DGKB: variants seen among roughly 807,000 people sequenced by gnomAD.
DGKB encodes the protein diacylglycerol kinase beta.
DGKB carries 67 observed loss-of-function variants against 114.3 expected under a neutral mutation model. The ratio of observed to expected loss-of-function variants is 0.59; its 90% CI spans 0.48 to 0.72. DGKB has a LOEUF of 0.72. DGKB is among the 30% of genes least tolerant of loss of function. The pLI, the probability that DGKB is intolerant of heterozygous loss-of-function variation, is 0.00. For missense variants in DGKB, 907 were observed against 975.2 expected (o/e 0.93, Z 0.93); for synonymous variants, 398 against 323.1 (o/e 1.23, Z -2.49).
chr7:14,188,167 A>G (rs1783726310), intron 23 of DGKB, among the ~76,000 whole-genome samples: 1 of 152,208 alleles, frequency 6.6e-6, no homozygotes, highest in Non-Finnish European at 1.5e-5. Flanking sequence ...AGGGGAAAAG[A>G]AAGTAGAAAT....
intron 23 of DGKB, among the ~76,000 whole-genome samples, chr7:14,204,936 T>G (rs1015553665): frequency 6.6e-6 from 1 of 152,048 alleles, no homozygotes; most frequent in African/African-American, 2.4e-5. Context: ...GCTTTCATTG[T>G]GTGTGTATGT....
chr7:14,403,215 TA>T (rs772317923), intron 21 of DGKB, among the ~76,000 whole-genome samples: 22 of 147,084 alleles, frequency 1.5e-4, no homozygotes, highest in Admixed American at 3.4e-4. Context: ...TCTTTTAATT[TA>T]AAAAAAAAAG....
At chr7:14,894,533 A>G (rs1781802790) in intron 1 of DGKB, among the ~76,000 whole-genome samples, 1 of 151,586 alleles carries the variant, frequency 6.6e-6, no homozygotes, top group African/African-American at 2.4e-5. Flanking sequence ...TGTTTTCTAC[A>G]AAGTCACTAA....
chr7:14,577,839 T>A (rs1382829102), intron 19 of DGKB, among the ~76,000 whole-genome samples: 1 of 152,216 alleles, frequency 6.6e-6, no homozygotes, highest in African/African-American at 2.4e-5. Flanking sequence ...GTCAATAGAT[T>A]CCCTGAATCT....
At chr7:14,242,691 G>C (rs1793853537) in intron 23 of DGKB, among the ~76,000 whole-genome samples, 1 of 150,662 alleles carries the variant, frequency 6.6e-6, no homozygotes, top group Non-Finnish European at 1.5e-5. Context: ...TATAAGATAA[G>C]TCATAAAATT....
chr7:14,875,984 G>A (rs1165673137), intron 1 of DGKB, among the ~76,000 whole-genome samples: 1 of 152,200 alleles, frequency 6.6e-6, no homozygotes, highest in African/African-American at 2.4e-5. Context: ...GCATTATTCA[G>A]GTAAAAAATA....
intron 13 of DGKB, among the ~76,000 whole-genome samples, chr7:14,655,952 T>C (rs973650500): frequency 1.3e-5 from 2 of 151,694 alleles, no homozygotes; most frequent in Non-Finnish European, 3.0e-5. Flanking sequence ...AAATAAGTTA[T>C]GTTCTATAGC....
At chr7:14,807,061 A>G (rs1435258296) in intron 2 of DGKB, among the ~76,000 whole-genome samples, 2 of 152,044 alleles carry the variant, frequency 1.3e-5, no homozygotes, top group African/African-American at 2.4e-5. Flanking sequence ...AAAAAAAATA[A>G]AAAGCTGAGA....
At chr7:14,300,495 C>T (rs1165643360) in intron 23 of DGKB, among the ~76,000 whole-genome samples, 1 of 152,044 alleles carries the variant, frequency 6.6e-6, no homozygotes, top group East Asian at 1.9e-4. Context: ...CATTTAAAAG[C>T]CCTGTGTGAA....
rs186816456 is a variant in DGKB, at chr7:14,146,722, A to C, written c.*2409T>G. 4.6e-5 allele frequency: 7 copies of C among 152,284 alleles called. No homozygotes were observed. In the East Asian group the frequency reaches 1.4e-3, roughly 29 times the overall value. The allele number at this position is 152,284 out of a possible 1,614,324, so 9.4% of individuals were successfully genotyped here. On this transcript the variant is annotated 3_prime_UTR_variant, in exon 26 of 26. Transcript: ENST00000402815. The stretch of plus-strand genomic sequence containing the variant: ...TAGAAAATGAGTTGAGAAAAGTCAA[A>C]TTGGATTCCTATTTGAACATTTATT...
intron 23 of DGKB, among the ~76,000 whole-genome samples, chr7:14,279,699 C>T (rs553436428): frequency 6.6e-6 from 1 of 152,114 alleles, no homozygotes; most frequent in Non-Finnish European, 1.5e-5. Context: ...GGGTCCCTCA[C>T]CCCTGACCCC....
intron 1 of DGKB, among the ~76,000 whole-genome samples, chr7:14,873,964 C>T (rs925077566): frequency 6.6e-6 from 1 of 151,898 alleles, no homozygotes; most frequent in Non-Finnish European, 1.5e-5. Flanking sequence ...AAATAGAATG[C>T]TGTATTACTA....
At chr7:14,860,301 AT>A (rs1251110075) in intron 1 of DGKB, among the ~76,000 whole-genome samples, 1 of 152,118 alleles carries the variant, frequency 6.6e-6, no homozygotes, top group African/African-American at 2.4e-5. Context: ...TCTTACAAAA[AT>A]TTATTTCATT....
At chr7:14,353,010 T>C (rs1339158454) in intron 21 of DGKB, among the ~76,000 whole-genome samples, 1 of 152,192 alleles carries the variant, frequency 6.6e-6, no homozygotes. Context: ...TTAGAAAGAT[T>C]TAATGAAATG....
At chr7:14,257,157 C>T (rs1252843691) in intron 23 of DGKB, among the ~76,000 whole-genome samples, 1 of 151,928 alleles carries the variant, frequency 6.6e-6, no homozygotes, top group Non-Finnish European at 1.5e-5. Flanking sequence ...ATTTTTTATT[C>T]TGTCATTTAT....
chr7:14,912,168 T>G (rs943505734), intron 1 of DGKB, among the ~76,000 whole-genome samples: 1 of 152,148 alleles, frequency 6.6e-6, no homozygotes. Context: ...CTCTAGAAAT[T>G]TAAGCTTTCT....
At chr7:14,433,431 A>G (rs1828774389) in intron 21 of DGKB, among the ~76,000 whole-genome samples, 1 of 152,108 alleles carries the variant, frequency 6.6e-6, no homozygotes, top group African/African-American at 2.4e-5. Flanking sequence ...GTTTGAATTC[A>G]ACTGCACTTT....
At chr7:14,773,001 T>A (rs1837640235) in intron 2 of DGKB, among the ~76,000 whole-genome samples, 1 of 152,202 alleles carries the variant, frequency 6.6e-6, no homozygotes, top group Admixed American at 6.6e-5. Context: ...AAACAAAACA[T>A]GCCTTGTCTC....
At chr7:14,695,490 C>CTTTTT in intron 8 of DGKB, among the ~76,000 whole-genome samples, 2 of 81,734 alleles carry the variant, frequency 2.4e-5, no homozygotes, top group Non-Finnish European at 4.7e-5. Flanking sequence ...CTCTCTCTCT[C>CTTTTT]TCTCTTTTTT....
Sources: allele counts gnomAD v4.1 joint callset (sites outside exome capture counted in the v4.1 genomes callset), GRCh38; gene constraint gnomAD v4.1.1; transcripts MANE v1.5; gene names NCBI Gene and HGNC (gene_info 2026-07-23, HGNC 2026-07-21).